A1CF: variants seen among roughly 807,000 people sequenced by gnomAD.
A1CF encodes APOBEC-1 stimulating protein.
In A1CF, 48 loss-of-function variants were observed where a neutral mutation model predicts 68.9. The ratio of observed to expected loss-of-function variants is 0.70; its 90% CI spans 0.55 to 0.89. The LOEUF (loss-of-function observed/expected upper bound fraction) is 0.89. Among genes scored for constraint, A1CF ranks in the 40% least tolerant of loss-of-function variants. The pLI, the probability that A1CF is intolerant of heterozygous loss-of-function variation, is 0.00. For missense variants in A1CF, 653 were observed against 718.9 expected (o/e 0.91, Z 1.05); for synonymous variants, 272 against 260.4 (o/e 1.04, Z -0.43).
At chr10:50,828,059 CACAT>C in intron 7 of A1CF, 68 bp downstream of exon 7, 1 of 1,162,356 alleles carries the variant, frequency 8.6e-7, no homozygotes, top group Non-Finnish European at 1.2e-6. Context: ...AATTCCTCGA[CACAT>C]ACACCCTCCC....
chr10:50,807,663 A>G (rs1166187508), intron 12 of A1CF, among the ~76,000 whole-genome samples: 1 of 152,196 alleles, frequency 6.6e-6, no homozygotes, highest in Non-Finnish European at 1.5e-5. Flanking sequence ...TGAAGAAGAG[A>G]GCATATTAGC....
intron 1 of A1CF, among the ~76,000 whole-genome samples, chr10:50,873,848 TAGAGA>T (rs1841383977): frequency 6.6e-6 from 1 of 151,958 alleles, no homozygotes; most frequent in Non-Finnish European, 1.5e-5. Context: ...AAAATATCTA[TAGAGA>T]AAAGAAAAAC....
intron 7 of A1CF, among the ~76,000 whole-genome samples, chr10:50,822,120 A>G (rs1838705612): frequency 6.6e-6 from 1 of 152,200 alleles, no homozygotes; most frequent in Non-Finnish European, 1.5e-5. Context: ...AGAAAACCCA[A>G]ACAAACCAAC....
chr10:50,872,080 G>A (rs1446686182), intron 1 of A1CF, among the ~76,000 whole-genome samples: 1 of 151,870 alleles, frequency 6.6e-6, no homozygotes, highest in Non-Finnish European at 1.5e-5. Context: ...GGACAAATGA[G>A]CAAAGGAAAT....
chr10:50,830,739 TG>T (rs1227672847), intron 6 of A1CF, among the ~76,000 whole-genome samples: 4 of 152,166 alleles, frequency 2.6e-5, no homozygotes, highest in South Asian at 2.1e-4. Context: ...ATTCCAGTGA[TG>T]TTTTTCACAG....
chr10:50,842,842 C>T (rs1174766558), intron 4 of A1CF, among the ~76,000 whole-genome samples: 2 of 152,174 alleles, frequency 1.3e-5, no homozygotes, highest in African/African-American at 4.8e-5. Context: ...TTTTCTCTGT[C>T]TGCTGGCTGA....
At chr10:50,835,253 T>C (rs754173595) in intron 6 of A1CF, among the ~76,000 whole-genome samples, 9 of 152,084 alleles carry the variant, frequency 5.9e-5, no homozygotes, top group Non-Finnish European at 1.0e-4. Context: ...AGTATTGGTT[T>C]GTTTTGAAGA....
At chr10:50,852,903 G>A (rs150921217) in intron 3 of A1CF, among the ~76,000 whole-genome samples, 3 of 152,166 alleles carry the variant, frequency 2.0e-5, no homozygotes, top group Non-Finnish European at 2.9e-5. Flanking sequence ...ATCTCAAACC[G>A]GAAAGATGGA....
chr10:50,823,582 T>G (rs1838778877), intron 7 of A1CF: 1 of 152,150 alleles, frequency 6.6e-6, no homozygotes, highest in African/African-American at 2.4e-5. Flanking sequence ...GGAAACTTAA[T>G]AGAAATGGAA....
chr10:50,842,887 G>T (rs990115529), intron 4 of A1CF, among the ~76,000 whole-genome samples: 5 of 152,232 alleles, frequency 3.3e-5, no homozygotes, highest in Non-Finnish European at 4.4e-5. Context: ...CTAACTCAGG[G>T]CTAGGGCCTC....
At chr10:50,831,121 A>G (rs1839216439) in intron 6 of A1CF, among the ~76,000 whole-genome samples, 1 of 152,226 alleles carries the variant, frequency 6.6e-6, no homozygotes, top group Non-Finnish European at 1.5e-5. Context: ...AAAATGGAAT[A>G]AAGACTTAAA....
intron 3 of A1CF, among the ~76,000 whole-genome samples, chr10:50,859,464 G>C (rs114223529): frequency 0.011 from 1,683 of 152,204 alleles, 40 homozygotes; most frequent in African/African-American, 0.037. Flanking sequence ...AGAAGTCTTA[G>C]GTGTGCAGTG....
rs573561074 is a variant in A1CF at position 50,856,677 on chromosome 10, T to C, written c.99+3165A>G. Among the ~76,000 whole-genome samples, 45 of 152,270 alleles carry C rather than the reference T, an allele frequency of 3.0e-4. No homozygotes were observed. In the South Asian group the frequency reaches 6.8e-3, roughly 23 times the overall value. On this transcript the variant is annotated intron_variant, in intron 3 of 12. Transcript: ENST00000373997. Reference sequence around the variant, plus strand: ...TATCTAAACTGTCTGTGCCTTGTTTTCTTCATCAGGAAATTGGGGATAAAC... The same window carrying C: ...TATCTAAACTGTCTGTGCCTTGTTTCCTTCATCAGGAAATTGGGGATAAAC...
chr10:50,846,866 G>A (rs1002735953), intron 3 of A1CF, among the ~76,000 whole-genome samples: 1 of 152,126 alleles, frequency 6.6e-6, no homozygotes, highest in African/African-American at 2.4e-5. Context: ...GCCAGTTCAG[G>A]GATGCCCTGT....
chr10:50,813,181 A>T (rs531091260), intron 10 of A1CF, among the ~76,000 whole-genome samples: 3 of 152,204 alleles, frequency 2.0e-5, no homozygotes, highest in Non-Finnish European at 4.4e-5. Context: ...GTTAGCATAG[A>T]CTCTGTTTTG....
intron 6 of A1CF, among the ~76,000 whole-genome samples, chr10:50,829,940 G>A (rs1839160151): frequency 6.6e-6 from 1 of 152,122 alleles, no homozygotes; most frequent in Non-Finnish European, 1.5e-5. Context: ...AATCAAAATT[G>A]CATCTATTTG....
chr10:50,857,853 A>G (rs1840559852), intron 3 of A1CF, among the ~76,000 whole-genome samples: 1 of 152,156 alleles, frequency 6.6e-6, no homozygotes, highest in South Asian at 2.1e-4. Flanking sequence ...ATTAATGATT[A>G]TCTTCCATCC....
chr10:50,823,420 C>T (rs1838768666), intron 7 of A1CF: 1 of 152,106 alleles, frequency 6.6e-6, no homozygotes, highest in African/African-American at 2.4e-5. Context: ...AATCATGATG[C>T]AAGGAATTGG....
At position 50,865,250 on chromosome 10, in the gene A1CF, C is replaced by T. The variant is rs182487706; in HGVS notation, c.-93-1170G>A. 3.3e-5 allele frequency among the ~76,000 whole-genome samples: 5 copies of T among 152,080 alleles called. No homozygotes were observed. In the East Asian group the frequency reaches 9.7e-4, roughly 29 times the overall value. ...CTCCAGCCTGGGTGACAGAATGAGA[C>T]CCTGTCTCAAAGGTACTCCTACTAC... On this transcript the variant is annotated intron_variant, in intron 1 of 12. Transcript: ENST00000373997.
Sources: gnomAD v4.1 joint callset for allele counts (sites outside exome capture counted in the v4.1 genomes callset) on GRCh38, gnomAD v4.1.1 for gene constraint, MANE v1.5 for transcripts, NCBI Gene and HGNC (gene_info 2026-07-23, HGNC 2026-07-21) for gene names.